Variants in CACNB4 observed in about 807,000 individuals in gnomAD.
CACNB4 encodes calcium voltage-gated channel auxiliary subunit beta 4, also known as voltage-dependent L-type calcium channel subunit beta-4.
Under a neutral mutation model 71.2 loss-of-function variants are expected in CACNB4, and 32 were observed. That is an observed-to-expected ratio of 0.45 (90% CI 0.34 to 0.60). CACNB4 has a LOEUF of 0.60. Among genes scored for constraint, CACNB4 ranks in the 20% least tolerant of loss-of-function variants. The pLI, the probability that CACNB4 is intolerant of heterozygous loss-of-function variation, is 0.01. For missense variants in CACNB4, 464 were observed against 647.9 expected, an observed-to-expected ratio of 0.72 and a Z score of 3.08; for synonymous variants, 231 against 236.9, an observed-to-expected ratio of 0.97 and a Z score of 0.23.
At chr2:151,842,800 G>A (rs1417561955) in intron 12 of CACNB4, among the ~76,000 whole-genome samples, 1 of 152,166 alleles carries the variant, frequency 6.6e-6, no homozygotes, top group Non-Finnish European at 1.5e-5. Context: ...ACTGAGAAGG[G>A]AGTTCTAGAC....
chr2:151,893,337 G>A (rs1369702291), intron 2 of CACNB4, among the ~76,000 whole-genome samples: 1 of 152,132 alleles, frequency 6.6e-6, no homozygotes, highest in Non-Finnish European at 1.5e-5. Context: ...TGCCTCCCAG[G>A]CTCAAGCAAT....
intron 2 of CACNB4, among the ~76,000 whole-genome samples, chr2:151,976,966 C>A (rs1411703395): frequency 6.6e-6 from 1 of 152,192 alleles, no homozygotes; most frequent in Non-Finnish European, 1.5e-5. Context: ...CTGGCACCTT[C>A]TTGGTTTTGA....
chr2:151,915,891 G>A (rs925082925), intron 2 of CACNB4, among the ~76,000 whole-genome samples: 1 of 151,774 alleles, frequency 6.6e-6, no homozygotes, highest in African/African-American at 2.4e-5. Flanking sequence ...TTCTGGGGTT[G>A]GGACGCTAGG....
intron 2 of CACNB4, among the ~76,000 whole-genome samples, chr2:151,947,326 C>A (rs1256545944): frequency 6.6e-6 from 1 of 152,172 alleles, no homozygotes; most frequent in Non-Finnish European, 1.5e-5. Context: ...GGTTCTGGAA[C>A]TTAGGGGGCA....
At chr2:151,839,404 AT>A in intron 13 of CACNB4, 25 bp from the exon 14 acceptor site, 1 of 1,567,494 alleles carries the variant, frequency 6.4e-7, no homozygotes, top group Non-Finnish European at 8.7e-7. Flanking sequence ...TAGTTCATTG[AT>A]TAAATAATGT....
intron 2 of CACNB4, among the ~76,000 whole-genome samples, chr2:151,977,291 C>T (rs1223668519): frequency 6.6e-6 from 1 of 152,250 alleles, no homozygotes; most frequent in Non-Finnish European, 1.5e-5. Flanking sequence ...AAAGCATCAT[C>T]TCTATGATTC....
intron 2 of CACNB4, among the ~76,000 whole-genome samples, chr2:152,013,396 T>G (rs891908733): frequency 6.6e-6 from 1 of 152,108 alleles, no homozygotes; most frequent in South Asian, 2.1e-4. Flanking sequence ...ACTTCAAGGA[T>G]ATCATTATGA....
chr2:151,954,930 T>C (rs1192081248), intron 2 of CACNB4, among the ~76,000 whole-genome samples: 1 of 139,504 alleles, frequency 7.2e-6, no homozygotes, highest in South Asian at 2.3e-4. Flanking sequence ...CTCAGCTCAC[T>C]GCAAGCTCCG....
chr2:152,039,830 G>A (rs1684783225), intron 2 of CACNB4, among the ~76,000 whole-genome samples: 1 of 152,216 alleles, frequency 6.6e-6, no homozygotes, highest in Admixed American at 6.5e-5. Flanking sequence ...AAGCACTGAA[G>A]CAGACCATAT....
chr2:151,984,828 C>T (rs191773906), intron 2 of CACNB4, among the ~76,000 whole-genome samples: 1 of 152,302 alleles, frequency 6.6e-6, no homozygotes, highest in Admixed American at 6.5e-5. Flanking sequence ...ATCTCTACAA[C>T]ATACTTCTCA....
At chr2:151,878,680 C>G (rs543030445) in intron 4 of CACNB4, among the ~76,000 whole-genome samples, 11 of 145,810 alleles carry the variant, frequency 7.5e-5, no homozygotes, top group African/African-American at 2.7e-4. Context: ...ACACAATTAG[C>G]TAGTATAGTA....
intron 2 of CACNB4, among the ~76,000 whole-genome samples, chr2:152,086,647 G>C (rs796387419): frequency 2.6e-5 from 4 of 152,206 alleles, no homozygotes; most frequent in African/African-American, 9.6e-5. Flanking sequence ...ATTTTGAATT[G>C]TAAGTACCCA....
intron 2 of CACNB4, among the ~76,000 whole-genome samples, chr2:152,006,839 G>A (rs903814001): frequency 6.6e-6 from 1 of 152,128 alleles, no homozygotes; most frequent in African/African-American, 2.4e-5. Context: ...TCCTTAGCCA[G>A]CTCCTATCTA....
chr2:152,024,491 G>A (rs1683856851), intron 2 of CACNB4, among the ~76,000 whole-genome samples: 1 of 152,164 alleles, frequency 6.6e-6, no homozygotes, highest in Non-Finnish European at 1.5e-5. Context: ...TAAAGCCTTT[G>A]CATAGACAAC....
intron 2 of CACNB4, among the ~76,000 whole-genome samples, chr2:151,903,208 T>C (rs1239215402): frequency 6.6e-6 from 1 of 152,146 alleles, no homozygotes; most frequent in African/African-American, 2.4e-5. Context: ...AGAACAAAAA[T>C]AAGAAAATAT....
At chr2:152,094,075 C>T (rs1033522225) in intron 2 of CACNB4, among the ~76,000 whole-genome samples, 2 of 152,168 alleles carry the variant, frequency 1.3e-5, no homozygotes, top group South Asian at 2.1e-4. Context: ...GGAACTCATA[C>T]GGATGGGGAG....
chr2:151,962,539 GA>G (rs775452784), intron 2 of CACNB4, among the ~76,000 whole-genome samples: 13 of 152,164 alleles, frequency 8.5e-5, no homozygotes, highest in Non-Finnish European at 1.6e-4. Flanking sequence ...AATCATAAAT[GA>G]GAAAGGCAGA....
At chr2:152,099,110 C>G (rs1282640827), upstream of CACNB4, 1 of 698,550 alleles carries the variant, frequency 1.4e-6, no homozygotes, top group African/African-American at 1.9e-5. Context: ...CAGGACTTCC[C>G]CACCCGGCTC....
intron 2 of CACNB4, among the ~76,000 whole-genome samples, chr2:152,000,814 A>G (rs1682350023): frequency 6.6e-6 from 1 of 152,104 alleles, no homozygotes; most frequent in Non-Finnish European, 1.5e-5. Context: ...CTGGGACAAG[A>G]CTGCAGCGAG....
Sources: allele counts gnomAD v4.1 joint callset (sites outside exome capture counted in the v4.1 genomes callset), GRCh38; gene constraint gnomAD v4.1.1; transcripts MANE v1.5; gene names NCBI Gene and HGNC (gene_info 2026-07-23, HGNC 2026-07-21).